The following CRYBG1 variants were observed in gnomAD, a reference collection of about 807,000 sequenced individuals.
CRYBG1 encodes the protein beta/gamma crystallin domain-containing protein 1.
Under a neutral mutation model 189.2 loss-of-function variants are expected in CRYBG1, and 139 were observed. The observed-to-expected ratio is 0.73, with a 90% CI of 0.64 to 0.85. CRYBG1 has a LOEUF of 0.85. CRYBG1 is among the 40% of genes least tolerant of loss of function. CRYBG1 has a pLI of 0.00. For missense variants in CRYBG1, 2,611 were observed against 2,675.8 expected (o/e 0.98, Z 0.53); for synonymous variants, 1,023 against 1,017.1 (o/e 1.01, Z -0.11).
intron 1 of CRYBG1, among the ~76,000 whole-genome samples, chr6:106,368,276 T>TACAC (rs139872790): frequency 1.5e-3 from 224 of 149,954 alleles, no homozygotes; most frequent in African/African-American, 4.9e-3. Context: ...TACACACACA[T>TACAC]ACACACACAC....
intron 10 of CRYBG1, among the ~76,000 whole-genome samples, chr6:106,542,854 G>T (rs1774164403): frequency 7.1e-6 from 1 of 140,002 alleles, no homozygotes; most frequent in South Asian, 2.3e-4. Flanking sequence ...TCACCATATT[G>T]CCCAGGTTGG....
At chr6:106,561,048 C>T in intron 19 of CRYBG1, 122 bp downstream of exon 19, 1 of 1,107,400 alleles carries the variant, frequency 9.0e-7, no homozygotes, top group South Asian at 1.7e-5. Context: ...CTATAAACTC[C>T]TTCCCTGCCC....
chr6:106,499,183 C>G (rs1297942362), intron 2 of CRYBG1, among the ~76,000 whole-genome samples: 5 of 127,530 alleles, frequency 3.9e-5, no homozygotes, highest in Non-Finnish European at 6.3e-5. Context: ...GACGGAGTCT[C>G]TCTCTGTCTC....
chr6:106,493,566 T>C (rs942741885), intron 2 of CRYBG1, among the ~76,000 whole-genome samples: 1 of 152,144 alleles, frequency 6.6e-6, no homozygotes, highest in Admixed American at 6.5e-5. Context: ...TTATTCACAA[T>C]AGTCAAGAGA....
chr6:106,432,840 C>CTTTTTT (rs5878888), intron 1 of CRYBG1, among the ~76,000 whole-genome samples: 13 of 128,880 alleles, frequency 1.0e-4, no homozygotes, highest in Non-Finnish European at 1.1e-4. Flanking sequence ...TCTTTTCTTT[C>CTTTTTT]TTTTTTTTTT....
At chr6:106,391,614 A>G (rs180899441) in intron 1 of CRYBG1, among the ~76,000 whole-genome samples, 50 of 152,062 alleles carry the variant, frequency 3.3e-4, no homozygotes, top group Non-Finnish European at 7.4e-5. Flanking sequence ...GTATATATAT[A>G]TGCAAATATT....
Position 106,512,453 on chromosome 6 carries a change from G to A in CRYBG1, c.1336G>A (p.Ala446Thr). Residue 446 changes from alanine to threonine, a missense_variant, in exon 3 of 22, where the codon GCG becomes ACG. Physicochemically the swap from Ala to Thr is moderately conservative, Grantham distance 58 (BLOSUM62 0). Around this residue, in one of 3 missense-constraint regions of CRYBG1, gnomAD observed 985 missense variants for 924.4 expected, o/e 1.07. Coordinates refer to ENST00000633556, the MANE Select transcript of CRYBG1 (RefSeq NM_001371242.2). ...ELPESAARDD[A>T]VFDDEVAPNA... Reference sequence around the variant, plus strand: ...CCCTGAGAGCGCTGCCAGGGACGACGCGGTGTTCGACGACGAGGTGGCGCC... The same window carrying A: ...CCCTGAGAGCGCTGCCAGGGACGACACGGTGTTCGACGACGAGGTGGCGCC... 2 of 1,610,952 alleles carry A rather than the reference G, an allele frequency of 1.2e-6. No homozygotes were observed. The highest frequency in any genetic ancestry group is 1.1e-5 in the South Asian group (1 of 90,764).
At chr6:106,422,816 G>C (rs1771154748) in intron 1 of CRYBG1, among the ~76,000 whole-genome samples, 1 of 152,272 alleles carries the variant, frequency 6.6e-6, no homozygotes, top group East Asian at 1.9e-4. Flanking sequence ...TCAACAGCTG[G>C]ATAAGGAAGT....
rs780120453 is a variant in CRYBG1, at chr6:106,502,913, GT to G, written c.313-8516del. Among the ~76,000 whole-genome samples the G allele has an allele frequency of 4.6e-5, 7 of 152,104 alleles. No individual in the cohort carries two copies. The East Asian group carries it at 1.4e-3, about 29-fold the overall frequency. On this transcript the variant is annotated intron_variant, in intron 2 of 21. Coordinates refer to ENST00000633556, the MANE Select transcript of CRYBG1 (RefSeq NM_001371242.2). ...TATAAGCCAGAATTTTGTGTTCTTT[GT>G]CTTAAAGAAAACTCTCAAAATAACA... is the stretch of plus-strand genomic sequence containing the variant.
chr6:106,466,046 G>T (rs868600672), intron 2 of CRYBG1, among the ~76,000 whole-genome samples: 1 of 152,138 alleles, frequency 6.6e-6, no homozygotes, highest in Non-Finnish European at 1.5e-5. Flanking sequence ...ATTACTGGGG[G>T]CACAGATATT....
intron 3 of CRYBG1, among the ~76,000 whole-genome samples, chr6:106,516,837 G>A (rs981333390): frequency 6.6e-6 from 1 of 151,978 alleles, no homozygotes; most frequent in Non-Finnish European, 1.5e-5. Context: ...TAACCTCAGG[G>A]AGTTACTTCT....
chr6:106,534,421 C>T lies in CRYBG1; in HGVS notation c.4718+4106C>T, dbSNP rs553943675. Among the ~76,000 whole-genome samples, 9 of 152,270 alleles carry T rather than the reference C, an allele frequency of 5.9e-5. No individual in the cohort carries two copies. The East Asian group carries it at 1.7e-3, about 29-fold the overall frequency. Reference sequence around the variant, plus strand: ...TGGTTGGTGAGCTTAGACACCAGGTCATTAGTGCTTTTATAGATCTCAAAG... The same window carrying T: ...TGGTTGGTGAGCTTAGACACCAGGTTATTAGTGCTTTTATAGATCTCAAAG... On this transcript the variant is annotated intron_variant, in intron 8 of 21. Coordinates refer to ENST00000633556, the MANE Select transcript of CRYBG1 (RefSeq NM_001371242.2).
chr6:106,507,914 A>G (rs1773165717), intron 2 of CRYBG1, among the ~76,000 whole-genome samples: 1 of 152,048 alleles, frequency 6.6e-6, no homozygotes, highest in Admixed American at 6.5e-5. Flanking sequence ...CCTGTCAACG[A>G]GTCTATCATT....
In CRYBG1 at chr6:106,519,529, A is replaced by G; in HGVS notation, c.2321A>G (p.Asn774Ser). The change falls in exon 4 of 22, where the codon AAT becomes AGT. Residue 774 changes from asparagine (N) to serine (S), a missense_variant. Physicochemically the swap from Asn to Ser is conservative, Grantham distance 46. Around this residue, in one of 3 missense-constraint regions of CRYBG1, gnomAD observed 1,622 missense variants for 1,735.0 expected, o/e 0.93. Transcript: ENST00000633556. ...GGAATGAATGGAGACTCTTCTGAGA[A>G]TCAAGCTCTTGGTCCTCAGCCTAAC... ...TRGMNGDSSE[N>S]QALGPQPNQD... is the part of the protein sequence containing the mutation. 1 of 1,614,128 alleles carries G rather than the reference A, an allele frequency of 6.2e-7. No homozygotes were observed. Among genetic ancestry groups the G allele is most frequent in the Non-Finnish European group, 8.5e-7 (1 of 1,179,978 alleles).
chr6:106,472,786 C>A (rs1182967219), intron 2 of CRYBG1, among the ~76,000 whole-genome samples: 2 of 151,534 alleles, frequency 1.3e-5, no homozygotes, highest in East Asian at 3.9e-4. Context: ...TGCCTGTAGT[C>A]CCAGCTACTC....
intron 1 of CRYBG1, among the ~76,000 whole-genome samples, chr6:106,374,635 A>G (rs1299575772): frequency 6.6e-6 from 1 of 152,242 alleles, no homozygotes; most frequent in African/African-American, 2.4e-5. Flanking sequence ...AGAATTTATA[A>G]TTCTTGAGTG....
At chr6:106,407,384 A>G (rs1770846505) in intron 1 of CRYBG1, among the ~76,000 whole-genome samples, 2 of 122,284 alleles carry the variant, frequency 1.6e-5, no homozygotes, top group Non-Finnish European at 3.6e-5. Context: ...AGATTCATAA[A>G]GCAAGTTCTT....
At chr6:106,385,415 C>T (rs114823655) in intron 1 of CRYBG1, among the ~76,000 whole-genome samples, 2,353 of 152,290 alleles carry the variant, frequency 0.015, 65 homozygotes, top group African/African-American at 0.054. Flanking sequence ...CATTCAGAAA[C>T]AATCTCTTTG....
chr6:106,471,767 T>A (rs1393529822), intron 2 of CRYBG1, among the ~76,000 whole-genome samples: 1 of 149,324 alleles, frequency 6.7e-6, no homozygotes, highest in Non-Finnish European at 1.5e-5. Flanking sequence ...CCAAAGGGTG[T>A]TTTAGCTCTA....
Sources: gnomAD v4.1 joint callset for allele counts (sites outside exome capture counted in the v4.1 genomes callset) on GRCh38, gnomAD v4.1.1 for gene constraint, gnomAD v4.1.1 regional missense constraint, MANE v1.5 for transcripts, NCBI Gene and HGNC (gene_info 2026-07-23, HGNC 2026-07-21) for gene names.